Variants in NUP210L observed in about 807,000 individuals in gnomAD.
NUP210L encodes nuclear pore membrane glycoprotein 210-like.
NUP210L carries 74 observed loss-of-function variants against 208.5 expected under a neutral mutation model. That is an observed-to-expected ratio of 0.35 (90% confidence interval 0.29 to 0.43). The LOEUF (loss-of-function observed/expected upper bound fraction) is 0.43, where lower values mean the gene tolerates loss of function less well. Among genes scored for constraint, NUP210L ranks in the 20% least tolerant of loss-of-function variants. The pLI is 1.00. For missense variants in NUP210L, 1,843 were observed against 2,289.4 expected (o/e 0.81, Z 3.98); for synonymous variants, 780 against 816.9 (o/e 0.95, Z 0.77).
At chr1:154,071,649 T>G (rs1377422588) in intron 16 of NUP210L, among the ~76,000 whole-genome samples, 3 of 146,146 alleles carry the variant, frequency 2.1e-5, no homozygotes, top group African/African-American at 7.6e-5. Flanking sequence ...TTTTTTTTTT[T>G]TTTTGAGATA....
chr1:153,993,304 C>G (rs1237791130), intron 38 of NUP210L, among the ~76,000 whole-genome samples: 1 of 152,142 alleles, frequency 6.6e-6, no homozygotes, highest in Admixed American at 6.6e-5. Flanking sequence ...CGGTGGCTCA[C>G]GCCTGTAATC....
chr1:154,032,739 A>G (rs897505230), intron 27 of NUP210L, among the ~76,000 whole-genome samples: 1 of 151,800 alleles, frequency 6.6e-6, no homozygotes, highest in Non-Finnish European at 1.5e-5. Context: ...CCAACATGGC[A>G]AAATCCTGTC....
At chr1:154,145,233 C>T (rs980107740) in intron 2 of NUP210L, among the ~76,000 whole-genome samples, 2 of 150,776 alleles carry the variant, frequency 1.3e-5, no homozygotes, top group Admixed American at 6.6e-5. Flanking sequence ...GTCTGGCCAA[C>T]ATGATGAAAC....
At chr1:154,073,164 T>G (rs1401852026) in intron 16 of NUP210L, among the ~76,000 whole-genome samples, 2 of 152,106 alleles carry the variant, frequency 1.3e-5, no homozygotes, top group Non-Finnish European at 2.9e-5. Flanking sequence ...AACAAACATA[T>G]GAAAAAATGC....
At chr1:154,004,642 C>T (rs981538674) in intron 35 of NUP210L, among the ~76,000 whole-genome samples, 5 of 151,764 alleles carry the variant, frequency 3.3e-5, no homozygotes, top group East Asian at 3.9e-4. Flanking sequence ...CATGCCCTGC[C>T]GTTATTCCTC....
intron 31 of NUP210L, 55 bp downstream of exon 31, chr1:154,023,067 C>A (rs1651656449): frequency 6.9e-7 from 1 of 1,449,150 alleles, no homozygotes; most frequent in African/African-American, 1.4e-5. Context: ...ATAATACTAG[C>A]CTAATATGCA....
At chr1:154,134,163 AT>A (rs199986565) in intron 7 of NUP210L, among the ~76,000 whole-genome samples, 4 of 146,562 alleles carry the variant, frequency 2.7e-5, no homozygotes, top group African/African-American at 5.0e-5. Flanking sequence ...AAAAAAAATA[AT>A]AATAATAATA....
chr1:154,140,792 C>T (rs1032646106), intron 4 of NUP210L, among the ~76,000 whole-genome samples: 28 of 151,164 alleles, frequency 1.9e-4, no homozygotes, highest in Non-Finnish European at 3.4e-4. Flanking sequence ...AACATCCTGG[C>T]TAACAGAGTG....
intron 38 of NUP210L, 133 bp from the exon 39 acceptor site, chr1:153,993,222 G>A (rs1649580925): frequency 3.4e-6 from 2 of 591,584 alleles, no homozygotes; most frequent in Non-Finnish European, 5.7e-6. Context: ...ATTACAGGAA[G>A]TTTTTATCCC....
At chr1:154,038,337 C>CTT (rs993828789) in intron 27 of NUP210L, among the ~76,000 whole-genome samples, 22 of 134,650 alleles carry the variant, frequency 1.6e-4, no homozygotes, top group African/African-American at 4.3e-4. Flanking sequence ...TTTTCTTTTT[C>CTT]TTTTTTTTTT....
At chr1:154,013,946 G>A (rs1307581485) in intron 33 of NUP210L, among the ~76,000 whole-genome samples, 1 of 151,992 alleles carries the variant, frequency 6.6e-6, no homozygotes, top group Admixed American at 6.6e-5. Flanking sequence ...TGTATCTTTA[G>A]TAGAGATGGG....
chr1:154,139,429 A>T (rs1403872066), intron 5 of NUP210L, among the ~76,000 whole-genome samples: 1 of 152,202 alleles, frequency 6.6e-6, no homozygotes, highest in East Asian at 1.9e-4. Context: ...TAACTTTTTC[A>T]ATTAAATGAC....
chr1:154,138,196 T>C (rs964047830), exon 6 of NUP210L: 1 of 1,543,738 alleles, frequency 6.5e-7, no homozygotes. Context: ...ATAAGAAATA[T>C]ATTCTCCAAA....
At chr1:154,154,593 A>G (rs1659595795) in intron 1 of NUP210L, among the ~76,000 whole-genome samples, 1 of 152,130 alleles carries the variant, frequency 6.6e-6, no homozygotes, top group African/African-American at 2.4e-5. Flanking sequence ...CCAGTCCCAC[A>G]TCCCGAGAAT....
chr1:154,113,101 G>A (rs1557984996), intron 12 of NUP210L, among the ~76,000 whole-genome samples: 1 of 150,990 alleles, frequency 6.6e-6, no homozygotes, highest in Non-Finnish European at 1.5e-5. Flanking sequence ...AGGTTGTAAT[G>A]AGCTGAGAGT....
intron 17 of NUP210L, among the ~76,000 whole-genome samples, chr1:154,064,089 G>A (rs1368389426): frequency 4.6e-5 from 7 of 151,090 alleles, no homozygotes; most frequent in African/African-American, 1.5e-4. Context: ...GGTGGTGGGG[G>A]GTCTCACTAT....
intron 15 of NUP210L, among the ~76,000 whole-genome samples, chr1:154,090,492 A>G (rs1341547243): frequency 2.0e-5 from 3 of 152,190 alleles, no homozygotes; most frequent in Non-Finnish European, 4.4e-5. Context: ...TTAACATCAT[A>G]CTCAATAGTA....
At chr1:154,064,857 T>G (rs1431142059) in intron 17 of NUP210L, among the ~76,000 whole-genome samples, 1 of 151,824 alleles carries the variant, frequency 6.6e-6, no homozygotes, top group Admixed American at 6.6e-5. Flanking sequence ...GGCAGATCAC[T>G]TGAGGTCAAG....
chr1:154,024,708 T>G (rs1401897055), intron 30 of NUP210L, among the ~76,000 whole-genome samples: 1 of 150,772 alleles, frequency 6.6e-6, no homozygotes, highest in South Asian at 2.1e-4. Flanking sequence ...TTTTTTCATT[T>G]TTTGTAGAGA....
Sources: allele counts gnomAD v4.1 joint callset (sites outside exome capture counted in the v4.1 genomes callset), GRCh38; gene constraint gnomAD v4.1.1; transcripts MANE v1.5; gene names NCBI Gene and HGNC (gene_info 2026-07-23, HGNC 2026-07-21).